Variants in SPACA6 observed in about 807,000 individuals in gnomAD.
SPACA6 encodes sperm acrosome associated 6, also known as sperm acrosome membrane-associated protein 6.
For missense variants in SPACA6, 8 were observed against 2.8 expected (o/e 2.88, Z -1.34); for synonymous variants, 6 against 1.5 (o/e 4.05, Z -2.21).
At chr19:51,709,059 T>TA (rs949104283), downstream of SPACA6, among the ~76,000 whole-genome samples, 7 of 151,838 alleles carry the variant, frequency 4.6e-5, no homozygotes, top group Non-Finnish European at 8.8e-5. Flanking sequence ...AGTCTAGACT[T>TA]ACCTCTGTAA....
At chr19:51,705,710 T>TA (rs1555793560), downstream of SPACA6, among the ~76,000 whole-genome samples, 4 of 149,760 alleles carry the variant, frequency 2.7e-5, no homozygotes, top group African/African-American at 5.0e-5. Flanking sequence ...TATTTTATTT[T>TA]TTTGGAGGCA....
upstream of SPACA6, chr19:51,688,013 C>G (rs2083336821): frequency 6.5e-6 from 1 of 152,674 alleles, no homozygotes; most frequent in African/African-American, 2.4e-5. Context: ...CTCCACCCGT[C>G]TCTCCCCCTC....
chr19:51,683,051 C>G, the SPACA6 span, among the ~76,000 whole-genome samples: 2 of 152,154 alleles, frequency 1.3e-5, no homozygotes, highest in Non-Finnish European at 2.9e-5. Flanking sequence ...TCAAAACAAA[C>G]AAGCAAAAAC....
At chr19:51,704,885 A>AGACCCAGGTTTCCATCCAGGCCCATG (rs1290479938) in intron 8 of SPACA6, 1 of 73,746 alleles carries the variant, frequency 1.4e-5, no homozygotes, top group Non-Finnish European at 2.4e-5. Context: ...CCAGGCCCCC[A>AGACCCAGGTTTCCATCCAGGCCCATG]GCCCCTCCTC....
At chr19:51,702,770 A>C in intron 4 of SPACA6, 118 bp downstream of exon 4, 1 of 398,990 alleles carries the variant, frequency 2.5e-6, no homozygotes, top group Non-Finnish European at 4.4e-6. Context: ...AGCCAATAAG[A>C]TCCCTGGAGA....
At chr19:51,705,945 C>G (rs2083513939), downstream of SPACA6, among the ~76,000 whole-genome samples, 1 of 152,204 alleles carries the variant, frequency 6.6e-6, no homozygotes, top group Non-Finnish European at 1.5e-5. Flanking sequence ...ATCCACCTGC[C>G]TTGGCCTCCC....
At chr19:51,688,723 G>T (rs1600127986), upstream of SPACA6, among the ~76,000 whole-genome samples, 1 of 152,034 alleles carries the variant, frequency 6.6e-6, no homozygotes, top group Non-Finnish European at 1.5e-5. Context: ...CAGAGAAAAG[G>T]GAAGAATAAA....
At chr19:51,689,067 G>GGGAGGAGCGAGACT (rs2083346017), upstream of SPACA6, 2 of 138,944 alleles carry the variant, frequency 1.4e-5, no homozygotes, top group South Asian at 4.8e-4. Flanking sequence ...GGGAAAGCCG[G>GGGAGGAGCGAGACT]GGAGGAGCGA....
chr19:51,695,398 G>A (rs1482950251), intron 2 of SPACA6, among the ~76,000 whole-genome samples: 1 of 152,206 alleles, frequency 6.6e-6, no homozygotes, highest in Non-Finnish European at 1.5e-5. Context: ...AGAGCCCTGC[G>A]CTATAGAATA....
At chr19:51,685,509 TTA>T (rs1183356924), upstream of SPACA6, 3 of 152,196 alleles carry the variant, frequency 2.0e-5, no homozygotes, top group East Asian at 3.8e-4. Context: ...GAAGATAATT[TTA>T]TACAATATTT....
At chr19:51,689,915 T>C (rs73054869), upstream of SPACA6, among the ~76,000 whole-genome samples, 1 of 147,230 alleles carries the variant, frequency 6.8e-6, no homozygotes, top group East Asian at 2.0e-4. Flanking sequence ...GGCTTTGGAG[T>C]GCCTGCGGCA....
intron 2 of SPACA6, among the ~76,000 whole-genome samples, chr19:51,695,152 C>T (rs995414290): frequency 3.3e-5 from 5 of 152,136 alleles, no homozygotes; most frequent in Non-Finnish European, 4.4e-5. Flanking sequence ...AAAACAGGAA[C>T]AGCAGAGTGG....
upstream of SPACA6, among the ~76,000 whole-genome samples, chr19:51,688,956 G>A (rs1017622272): frequency 4.6e-5 from 7 of 151,516 alleles, no homozygotes; most frequent in Non-Finnish European, 1.0e-4. Context: ...GAGGGAGAGA[G>A]AGAGCGAGAG....
chr19:51,683,922 G>T, the SPACA6 span, among the ~76,000 whole-genome samples: 1 of 151,316 alleles, frequency 6.6e-6, no homozygotes, highest in Non-Finnish European at 1.5e-5. Context: ...TATGTAGTAT[G>T]ACTCTGTTCT....
downstream of SPACA6, chr19:51,705,224 C>T (rs1226130410): frequency 2.5e-6 from 1 of 400,228 alleles, no homozygotes; most frequent in East Asian, 3.6e-5. Flanking sequence ...TCACTACTAA[C>T]TCAGGTAGGA....
At chr19:51,689,320 GAGGGGGCTGGTCCGACGGCCGCGC>G (rs1346711870), upstream of SPACA6, 2 of 151,154 alleles carry the variant, frequency 1.3e-5, no homozygotes, top group Non-Finnish European at 3.0e-5. Flanking sequence ...GCCCCCTGGG[GAGGGGGCTGGTCCGACGGCCGCGC>G]AGCCGGCGGG....
rs188804845 is a variant in SPACA6, at chr19:51,695,714, C to A, written c.292+1159C>A. Among the ~76,000 whole-genome samples, 27 of 152,284 alleles carry A rather than the reference C, an allele frequency of 1.8e-4. No homozygotes were observed. The East Asian group carries it at 4.4e-3, about 25-fold the overall frequency. On this transcript the variant is annotated intron_variant, in intron 2 of 8. Transcript: ENST00000637797. ...CAGAAGCTTTTGAAAAGATGAGGAA[C>A]CTTTGGATCTGGGAATGGAAGCCTT...
At chr19:51,712,840 C>T (rs1273843160), downstream of SPACA6, among the ~76,000 whole-genome samples, 8 of 152,136 alleles carry the variant, frequency 5.3e-5, no homozygotes, top group Non-Finnish European at 1.2e-4. Flanking sequence ...AGTAGACGGA[C>T]CAGAGACAAA....
At chr19:51,689,620 C>T (rs1219878309), upstream of SPACA6, 4 of 146,036 alleles carry the variant, frequency 2.7e-5, no homozygotes, top group Non-Finnish European at 4.5e-5. Context: ...GGCTGGGGCC[C>T]GCACTCCTGG....
Sources: allele counts gnomAD v4.1 joint callset (sites outside exome capture counted in the v4.1 genomes callset), GRCh38; gene constraint gnomAD v4.1.1; transcripts MANE v1.5; gene names NCBI Gene and HGNC (gene_info 2026-07-23, HGNC 2026-07-21).